Variants in ADAMTS6 observed in about 807,000 individuals in gnomAD.
ADAMTS6 encodes the protein A disintegrin and metalloproteinase with thrombospondin motifs 6.
A neutral mutation model predicts 144.3 loss-of-function variants in ADAMTS6; 23 were observed. That is an observed-to-expected ratio of 0.16 (90% CI 0.11 to 0.23). ADAMTS6 has a LOEUF of 0.23. Among genes scored for constraint, ADAMTS6 ranks in the 10% least tolerant of loss-of-function variants. The pLI is 1.00. For synonymous variants in ADAMTS6, 444 were observed against 457.5 expected, an observed-to-expected ratio of 0.97 and a Z score of 0.38; for missense variants, 999 against 1,379.6, an observed-to-expected ratio of 0.72 and a Z score of 4.37.
At position 65,451,520 on chromosome 5, in the gene ADAMTS6, G is replaced by A; in HGVS notation, c.1028C>T (p.Pro343Leu). 6.2e-7 allele frequency: 1 copy of A among 1,613,738 alleles called. No individual in the cohort carries two copies. The highest frequency in any genetic ancestry group is 8.5e-7 in the Non-Finnish European group (1 of 1,179,820). ...ATCGTGGTGGGCAATCCCATTTTCT[G>A]GAATGGTGTTTCCATCACTTTGGTG... ...LSHQSDGNTIPENGIAHHDNA... is the reference protein window; with the variant it reads ...LSHQSDGNTILENGIAHHDNA... Residue 343 changes from proline to leucine, a missense_variant, in exon 7 of 25, where the codon CCA becomes CTA. By Grantham distance (98) the Pro-to-Leu change is moderately conservative. Coordinates refer to ENST00000381055, the MANE Select transcript of ADAMTS6 (RefSeq NM_197941.4).
chr5:65,419,464 G>A (rs1250513261), intron 7 of ADAMTS6, among the ~76,000 whole-genome samples: 1 of 152,090 alleles, frequency 6.6e-6, no homozygotes, highest in Non-Finnish European at 1.5e-5. Flanking sequence ...CACTACTTGG[G>A]TGACAGAATC....
intron 7 of ADAMTS6, among the ~76,000 whole-genome samples, chr5:65,424,700 G>GA (rs1253489637): frequency 1.3e-5 from 2 of 151,432 alleles, no homozygotes; most frequent in African/African-American, 4.8e-5. Flanking sequence ...GGTCTGTTTA[G>GA]AAAAAAAAGT....
At chr5:65,410,054 C>A (rs1324127649) in intron 7 of ADAMTS6, among the ~76,000 whole-genome samples, 2 of 152,130 alleles carry the variant, frequency 1.3e-5, no homozygotes, top group African/African-American at 4.8e-5. Context: ...TGATTGAATT[C>A]ATCATATTCT....
At chr5:65,237,671 A>T (rs986001353) in intron 15 of ADAMTS6, among the ~76,000 whole-genome samples, 8 of 152,224 alleles carry the variant, frequency 5.3e-5, no homozygotes, top group Non-Finnish European at 1.0e-4. Flanking sequence ...AATTACAAGA[A>T]AAATATTTAC....
intron 5 of ADAMTS6, 125 bp downstream of exon 5, chr5:65,452,581 AC>A: frequency 1.1e-6 from 1 of 950,922 alleles, no homozygotes. Flanking sequence ...ACATTACTAG[AC>A]CAATTTTTTA....
intron 7 of ADAMTS6, among the ~76,000 whole-genome samples, chr5:65,374,071 A>C (rs1245492639): frequency 6.6e-6 from 1 of 152,238 alleles, no homozygotes; most frequent in East Asian, 1.9e-4. Context: ...CTTCATGCTA[A>C]AAAGTCTCAA....
chr5:65,156,717 T>C (rs1472706830), intron 24 of ADAMTS6, among the ~76,000 whole-genome samples: 2 of 152,246 alleles, frequency 1.3e-5, no homozygotes, highest in African/African-American at 4.8e-5. Flanking sequence ...TATATCTATC[T>C]ACTTACTGCT....
intron 7 of ADAMTS6, among the ~76,000 whole-genome samples, chr5:65,424,766 A>G (rs1481472441): frequency 6.6e-6 from 1 of 152,228 alleles, no homozygotes. Flanking sequence ...TACCATTTCA[A>G]TAAATTTAGC....
intron 7 of ADAMTS6, among the ~76,000 whole-genome samples, chr5:65,377,678 GA>G (rs543377103): frequency 8.6e-4 from 131 of 152,224 alleles, no homozygotes; most frequent in Non-Finnish European, 1.5e-3. Context: ...TTTTTCCAGG[GA>G]GAAAGTTTCA....
Position 65,224,404 on chromosome 5 carries a change from G to C in ADAMTS6, c.2192-4C>G, listed in dbSNP as rs1476651553. On this transcript the variant is annotated splice_polypyrimidine_tract_variant and splice_region_variant and intron_variant, in intron 17 of 24. Transcript: ENST00000381055. Reference sequence around the variant, plus strand: ...ATCTGCACCACTTCCATGTAGCCTGGAACACAGAAGATAGCCAGTATTAAG... The same window carrying C: ...ATCTGCACCACTTCCATGTAGCCTGCAACACAGAAGATAGCCAGTATTAAG... The C allele has an allele frequency of 8.7e-6, 14 of 1,613,660 alleles. No individual in the cohort carries two copies. Among genetic ancestry groups the C allele is most frequent in the Non-Finnish European group, 1.0e-5 (12 of 1,179,620 alleles).
intron 7 of ADAMTS6, among the ~76,000 whole-genome samples, chr5:65,404,790 A>G (rs1754292992): frequency 6.6e-6 from 1 of 152,152 alleles, no homozygotes; most frequent in South Asian, 2.1e-4. Flanking sequence ...ATTTCTCCAC[A>G]TCCTCTCCAG....
At chr5:65,435,186 A>G (rs1757295593) in intron 7 of ADAMTS6, among the ~76,000 whole-genome samples, 1 of 152,188 alleles carries the variant, frequency 6.6e-6, no homozygotes, top group African/African-American at 2.4e-5. Flanking sequence ...CACAAAATAA[A>G]AACATATTCT....
chr5:65,455,033 A>G (rs992967047), intron 4 of ADAMTS6, among the ~76,000 whole-genome samples: 1 of 152,318 alleles, frequency 6.6e-6, no homozygotes, highest in East Asian at 1.9e-4. Context: ...CTCCTGCTCA[A>G]TCCTCTGTGA....
At chr5:65,347,293 G>A (rs1005981691) in intron 7 of ADAMTS6, among the ~76,000 whole-genome samples, 8 of 151,218 alleles carry the variant, frequency 5.3e-5, no homozygotes, top group African/African-American at 1.5e-4. Flanking sequence ...ACCACATTTC[G>A]AAAAACAGAT....
At chr5:65,222,889 T>C (rs1195425720) in intron 18 of ADAMTS6, among the ~76,000 whole-genome samples, 1 of 151,734 alleles carries the variant, frequency 6.6e-6, no homozygotes, top group African/African-American at 2.4e-5. Flanking sequence ...TAAAAGGCAC[T>C]TCAAAAAATG....
chr5:65,448,645 A>T (rs1223962227), intron 7 of ADAMTS6, among the ~76,000 whole-genome samples: 1 of 151,952 alleles, frequency 6.6e-6, no homozygotes, highest in Non-Finnish European at 1.5e-5. Flanking sequence ...TAGTAGAGAC[A>T]GGGTTTCACC....
chr5:65,357,801 T>G (rs1749467766), intron 7 of ADAMTS6, among the ~76,000 whole-genome samples: 1 of 151,456 alleles, frequency 6.6e-6, no homozygotes, highest in South Asian at 2.1e-4. Context: ...AAATACAAAC[T>G]CTAACAGACA....
At chr5:65,193,151 G>A (rs1305543953) in intron 21 of ADAMTS6, among the ~76,000 whole-genome samples, 1 of 151,854 alleles carries the variant, frequency 6.6e-6, no homozygotes, top group Non-Finnish European at 1.5e-5. Flanking sequence ...GAAAGTATAA[G>A]AGTGGGGAAG....
intron 9 of ADAMTS6, among the ~76,000 whole-genome samples, chr5:65,326,746 T>G (rs1178368225): frequency 6.6e-6 from 1 of 152,188 alleles, no homozygotes; most frequent in Non-Finnish European, 1.5e-5. Context: ...ATATTTACTA[T>G]GGCTACTGCT....
Sources: allele counts gnomAD v4.1 joint callset (sites outside exome capture counted in the v4.1 genomes callset), GRCh38; gene constraint gnomAD v4.1.1; transcripts MANE v1.5; gene names NCBI Gene and HGNC (gene_info 2026-07-23, HGNC 2026-07-21).